Variants in AFF3 observed in about 807,000 individuals in gnomAD.
AFF3 encodes AF4/FMR2 family member 3.
In AFF3, 32 loss-of-function variants were observed where a neutral mutation model predicts 129.7. The ratio of observed to expected loss-of-function variants is 0.25; its 90% confidence interval spans 0.19 to 0.33. AFF3 has a LOEUF of 0.33. AFF3 is among the 10% of genes least tolerant of loss of function. The pLI is 1.00. For synonymous variants in AFF3, 644 were observed against 635.4 expected (o/e 1.01, Z -0.20); for missense variants, 1,373 against 1,592.0 (o/e 0.86, Z 2.34).
chr2:99,741,295 G>A (rs943261220), intron 10 of AFF3, among the ~76,000 whole-genome samples: 1 of 152,110 alleles, frequency 6.6e-6, no homozygotes, highest in Non-Finnish European at 1.5e-5. Context: ...GTTTGCAGAT[G>A]ACATGATTGT....
chr2:99,750,369 T>C (rs889331756), intron 9 of AFF3, among the ~76,000 whole-genome samples: 1 of 150,842 alleles, frequency 6.6e-6, no homozygotes, highest in Non-Finnish European at 1.5e-5. Context: ...ACCCAGATGA[T>C]AATAATCATT....
rs1441002983 is a variant in AFF3 at position 99,548,793 on chromosome 2, G to C, written c.*2681C>G. Reference sequence around the variant, plus strand: ...GCAGTAACAACAAAACTAAGTAAAAGGAACAAGTTATGAATGACTTTCACA... The same window carrying C: ...GCAGTAACAACAAAACTAAGTAAAACGAACAAGTTATGAATGACTTTCACA... On this transcript the variant is annotated 3_prime_UTR_variant, in exon 25 of 25. Coordinates refer to ENST00000672756, the MANE Select transcript of AFF3 (RefSeq NM_001386135.1). 4.3e-6 allele frequency: 1 copy of C among 232,226 alleles called. No homozygotes were observed. Among genetic ancestry groups the C allele is most frequent in the African/African-American group, 2.2e-5 (1 of 45,260 alleles). 14.4% of individuals were successfully genotyped at this position (232,226 alleles called of 1,614,324 possible).
rs542582446 is a variant in AFF3 at position 99,686,168 on chromosome 2, C to T, written c.1092-13579G>A. Reference sequence around the variant, plus strand: ...TTGCGCCACTGCACTCCAGCCTGGGCGACACAGCGAGACTCCATCTAAAAA... The same window carrying T: ...TTGCGCCACTGCACTCCAGCCTGGGTGACACAGCGAGACTCCATCTAAAAA... On this transcript the variant is annotated intron_variant, in intron 11 of 24. Coordinates refer to ENST00000672756, the MANE Select transcript of AFF3 (RefSeq NM_001386135.1). Among the ~76,000 whole-genome samples the T allele has an allele frequency of 9.1e-4, 138 of 151,938 alleles. 1 individual carries two copies. The highest frequency in any genetic ancestry group is 6.6e-3 in the Admixed American group (101 of 15,258).
intron 9 of AFF3, among the ~76,000 whole-genome samples, chr2:99,749,795 C>G (rs979200137): frequency 1.3e-5 from 2 of 152,184 alleles, no homozygotes; most frequent in South Asian, 4.1e-4. Context: ...GCTTCTTGAC[C>G]TCTGATTCGA....
chr2:99,654,830 T>G (rs1013621689), intron 12 of AFF3, among the ~76,000 whole-genome samples: 3 of 152,236 alleles, frequency 2.0e-5, no homozygotes, highest in Non-Finnish European at 4.4e-5. Context: ...GTCTTTATTA[T>G]AGCAAGCTTG....
At chr2:99,560,275 T>C (rs1034412243) in intron 21 of AFF3, 90 bp downstream of exon 21, 5 of 1,383,888 alleles carry the variant, frequency 3.6e-6, no homozygotes, top group South Asian at 3.6e-5. Context: ...TTAGAAGACA[T>C]TGGGCAAACA....
intron 4 of AFF3, among the ~76,000 whole-genome samples, chr2:100,053,217 C>T (rs139212077): frequency 6.6e-6 from 1 of 152,338 alleles, no homozygotes; most frequent in East Asian, 1.9e-4. Flanking sequence ...TTTATTTATA[C>T]AACACTTGAA....
At chr2:99,752,148 G>GTTT in intron 9 of AFF3, 73 bp downstream of exon 9, 2 of 1,321,496 alleles carry the variant, frequency 1.5e-6, no homozygotes, top group Non-Finnish European at 2.2e-6. Context: ...GACAATCACG[G>GTTT]GTAAAGCCCA....
rs944336052 is a variant in AFF3, at chr2:99,709,517, G to T, written c.1091+17560C>A. ...AGAATGTCTCCACTTTGATAACTGG[G>T]TCATGAGAGAAAAGATTTTTCTCTT... is the stretch of plus-strand genomic sequence containing the variant. On this transcript the variant is annotated intron_variant, in intron 11 of 24. Transcript: ENST00000672756. Among the ~76,000 whole-genome samples, 24 of 152,176 alleles carry T rather than the reference G, an allele frequency of 1.6e-4. No individual in the cohort carries two copies. The East Asian group carries it at 4.6e-3, about 29-fold the overall frequency.
chr2:99,815,162 G>A (rs568904590), intron 8 of AFF3, among the ~76,000 whole-genome samples: 61 of 152,092 alleles, frequency 4.0e-4, no homozygotes, highest in African/African-American at 1.4e-3. Flanking sequence ...GGTCTAGAGA[G>A]ACAATGAGAA....
chr2:100,103,500 T>G (rs1366870830), intron 4 of AFF3, among the ~76,000 whole-genome samples: 1 of 138,508 alleles, frequency 7.2e-6, no homozygotes, highest in African/African-American at 2.7e-5. Flanking sequence ...TTGGAAACAT[T>G]TAAGAGATAG....
intron 12 of AFF3, among the ~76,000 whole-genome samples, chr2:99,652,636 A>G (rs1182138772): frequency 6.6e-6 from 1 of 152,112 alleles, no homozygotes. Context: ...AGAGTCCGAC[A>G]TTCTGGGACA....
At chr2:99,968,349 C>T (rs909200950) in intron 7 of AFF3, among the ~76,000 whole-genome samples, 6 of 152,142 alleles carry the variant, frequency 3.9e-5, no homozygotes, top group Non-Finnish European at 7.3e-5. Context: ...CATGTATTTT[C>T]TTCATTTTGC....
At chr2:99,689,660 A>C (rs1198621098) in intron 11 of AFF3, among the ~76,000 whole-genome samples, 1 of 40,922 alleles carries the variant, frequency 2.4e-5, no homozygotes, top group African/African-American at 8.0e-5. Flanking sequence ...TAATTGCAAA[A>C]AAAAAAAAAA....
chr2:99,785,770 CAG>C (rs1311506274), intron 8 of AFF3, among the ~76,000 whole-genome samples: 1 of 152,060 alleles, frequency 6.6e-6, no homozygotes, highest in East Asian at 1.9e-4. Flanking sequence ...TATTTTTAGA[CAG>C]AGTCACGCCC....
At chr2:100,001,005 A>G (rs1681353204) in intron 7 of AFF3, among the ~76,000 whole-genome samples, 1 of 152,182 alleles carries the variant, frequency 6.6e-6, no homozygotes, top group Non-Finnish European at 1.5e-5. Context: ...ACTTTCAACC[A>G]ACTCCAAACA....
chr2:100,128,759 C>G (rs148539036), intron 2 of AFF3, among the ~76,000 whole-genome samples: 1,657 of 152,208 alleles, frequency 0.011, 42 homozygotes, highest in African/African-American at 0.038. Context: ...AGAACTCTTT[C>G]AAAAAGGAAT....
intron 7 of AFF3, among the ~76,000 whole-genome samples, chr2:99,995,596 T>A (rs1374364347): frequency 1.3e-5 from 2 of 151,980 alleles, no homozygotes; most frequent in African/African-American, 2.4e-5. Flanking sequence ...ATGGTCTCAA[T>A]CTCCTGACCT....
At chr2:99,852,608 G>A (rs896611098) in intron 7 of AFF3, among the ~76,000 whole-genome samples, 1 of 152,182 alleles carries the variant, frequency 6.6e-6, no homozygotes, top group South Asian at 2.1e-4. Flanking sequence ...ATACCATAGC[G>A]AGCAAAACCC....
Sources: allele counts gnomAD v4.1 joint callset (sites outside exome capture counted in the v4.1 genomes callset), GRCh38; gene constraint gnomAD v4.1.1; transcripts MANE v1.5; gene names NCBI Gene and HGNC (gene_info 2026-07-23, HGNC 2026-07-21).